The following NKAIN2 variants were observed in gnomAD, a reference collection of about 807,000 sequenced individuals.
NKAIN2 encodes sodium/potassium transporting ATPase interacting 2.
Under a neutral mutation model 32.6 loss-of-function variants are expected in NKAIN2, and 14 were observed. That is an observed-to-expected ratio of 0.43 (90% CI 0.28 to 0.67). The LOEUF is 0.67. Ranked by LOEUF, NKAIN2 falls within the 30% of genes least tolerant of loss-of-function variation. NKAIN2 has a pLI of 0.17. For synonymous variants in NKAIN2, 80 were observed against 87.2 expected (o/e 0.92, Z 0.46); for missense variants, 198 against 258.3 (o/e 0.77, Z 1.60).
intron 4 of NKAIN2, among the ~76,000 whole-genome samples, chr6:124,774,545 A>G (rs1035883732): frequency 6.6e-6 from 1 of 152,088 alleles, no homozygotes; most frequent in African/African-American, 2.4e-5. Context: ...CAGACACACA[A>G]GTATGTCCAA....
chr6:124,104,711 A>G (rs115992023), intron 1 of NKAIN2, among the ~76,000 whole-genome samples: 1,688 of 152,350 alleles, frequency 0.011, 34 homozygotes, highest in African/African-American at 0.037. Flanking sequence ...ACTAATGATC[A>G]TTCTGAGAAA....
At chr6:123,971,638 A>G (rs187196513) in intron 1 of NKAIN2, among the ~76,000 whole-genome samples, 27 of 152,240 alleles carry the variant, frequency 1.8e-4, no homozygotes, top group African/African-American at 6.5e-4. Context: ...TGTTGTCCCC[A>G]TCATGTCTGT....
At chr6:124,800,121 A>G (rs1780183179) in intron 5 of NKAIN2, among the ~76,000 whole-genome samples, 1 of 152,218 alleles carries the variant, frequency 6.6e-6, no homozygotes, top group Admixed American at 6.5e-5. Context: ...CAAATCAGAG[A>G]CATGCTGAGA....
intron 2 of NKAIN2, among the ~76,000 whole-genome samples, chr6:124,315,467 A>C (rs17051662): frequency 0.084 from 12,736 of 152,206 alleles, 690 homozygotes; most frequent in East Asian, 0.19. Context: ...AGCTGCAGAA[A>C]CTTACAATTT....
At chr6:124,468,872 G>T (rs1452918364) in intron 3 of NKAIN2, among the ~76,000 whole-genome samples, 1 of 152,126 alleles carries the variant, frequency 6.6e-6, no homozygotes, top group Non-Finnish European at 1.5e-5. Context: ...TATAACATAG[G>T]ATCAGGTAGT....
intron 1 of NKAIN2, among the ~76,000 whole-genome samples, chr6:124,205,506 ATTGT>A (rs147057353): frequency 0.013 from 1,952 of 151,786 alleles, 41 homozygotes; most frequent in African/African-American, 0.045. Context: ...AAGTATCCCA[ATTGT>A]TTGTTTGTTT....
intron 1 of NKAIN2, among the ~76,000 whole-genome samples, chr6:124,181,822 A>T (rs1316081226): frequency 2.6e-5 from 4 of 152,198 alleles, no homozygotes; most frequent in African/African-American, 9.6e-5. Flanking sequence ...AAGCCATTCA[A>T]CAAGTCTCTA....
chr6:124,007,640 G>A (rs967760281), intron 1 of NKAIN2, among the ~76,000 whole-genome samples: 14 of 152,134 alleles, frequency 9.2e-5, no homozygotes, highest in Non-Finnish European at 1.6e-4. Context: ...TGAAGTAGAA[G>A]GATGTACAGT....
At chr6:124,409,069 C>T (rs1013123872) in intron 3 of NKAIN2, among the ~76,000 whole-genome samples, 4 of 152,228 alleles carry the variant, frequency 2.6e-5, no homozygotes, top group Middle Eastern at 6.8e-3. Context: ...GCTGAAGTTG[C>T]CTATCAGCTT....
At chr6:124,270,681 T>C (rs555696525) in intron 1 of NKAIN2, among the ~76,000 whole-genome samples, 1 of 152,318 alleles carries the variant, frequency 6.6e-6, no homozygotes, top group Non-Finnish European at 1.5e-5. Flanking sequence ...ACCTAGCAAC[T>C]TATTCTACTC....
intron 1 of NKAIN2, among the ~76,000 whole-genome samples, chr6:124,164,986 G>A (rs933218022): frequency 6.6e-6 from 1 of 151,890 alleles, no homozygotes; most frequent in African/African-American, 2.4e-5. Context: ...CATGGTCAGA[G>A]GTTCTTTTTC....
intron 1 of NKAIN2, among the ~76,000 whole-genome samples, chr6:123,848,568 A>T (rs1472334034): frequency 6.6e-6 from 1 of 152,118 alleles, no homozygotes; most frequent in Non-Finnish European, 1.5e-5. Context: ...TTCCCCTTCC[A>T]CCACAATTGT....
intron 3 of NKAIN2, among the ~76,000 whole-genome samples, chr6:124,530,925 C>G (rs1377705955): frequency 1.3e-5 from 2 of 152,168 alleles, no homozygotes; most frequent in East Asian, 3.8e-4. Context: ...TATCTGGGCC[C>G]TCAGTGGATT....
intron 1 of NKAIN2, among the ~76,000 whole-genome samples, chr6:124,209,926 C>A (rs1089565): frequency 0.7 from 105,475 of 151,634 alleles, 36,916 homozygotes; most frequent in South Asian, 0.76. Flanking sequence ...TGATTGCTTC[C>A]TTTGCTGTAC....
intron 1 of NKAIN2, among the ~76,000 whole-genome samples, chr6:124,129,842 C>T (rs1373992031): frequency 6.6e-6 from 1 of 152,174 alleles, no homozygotes; most frequent in African/African-American, 2.4e-5. Context: ...TGGTCTTGAA[C>T]TCCTGACCTC....
intron 3 of NKAIN2, among the ~76,000 whole-genome samples, chr6:124,596,671 T>C (rs940030487): frequency 1.0e-5 from 1 of 99,292 alleles, no homozygotes; most frequent in African/African-American, 3.8e-5. Flanking sequence ...AGGGTGTGTG[T>C]GTGTGTGTGT....
intron 2 of NKAIN2, among the ~76,000 whole-genome samples, chr6:124,309,305 T>A (rs769081798): frequency 3.0e-4 from 46 of 152,126 alleles, no homozygotes; most frequent in Non-Finnish European, 2.2e-4. Flanking sequence ...TGATGTTTTT[T>A]CAGTCACAAC....
chr6:123,870,404 A>G (rs918754899), intron 1 of NKAIN2, among the ~76,000 whole-genome samples: 1 of 152,098 alleles, frequency 6.6e-6, no homozygotes, highest in South Asian at 2.1e-4. Context: ...AAGAAGTAGG[A>G]TTGCAAGCCA....
In NKAIN2 at chr6:124,612,685, A is replaced by G. The variant is rs114684659; in HGVS notation, c.274-45501A>G. On this transcript the variant is annotated intron_variant, in intron 3 of 6. Coordinates refer to ENST00000368417, the MANE Select transcript of NKAIN2 (RefSeq NM_001040214.3). Reference sequence around the variant, plus strand: ...GAAACTATTGAATCAAATGATCCCTAAGGTCACTTCTAAGCTTTATGAATA... The same window carrying G: ...GAAACTATTGAATCAAATGATCCCTGAGGTCACTTCTAAGCTTTATGAATA... 3.8e-3 allele frequency among the ~76,000 whole-genome samples: 577 copies of G among 152,306 alleles called. 4 individuals carry two copies. The highest frequency in any genetic ancestry group is 0.013 in the African/African-American group (551 of 41,564).
Sources: allele counts gnomAD v4.1 joint callset (sites outside exome capture counted in the v4.1 genomes callset), GRCh38; gene constraint gnomAD v4.1.1; transcripts MANE v1.5; gene names NCBI Gene and HGNC (gene_info 2026-07-23, HGNC 2026-07-21).